Variants in RTTN observed in about 807,000 individuals in gnomAD.
RTTN encodes rotatin.
RTTN carries 182 observed loss-of-function variants against 269.2 expected under a neutral mutation model. That is an observed-to-expected ratio of 0.68 (90% CI 0.60 to 0.76). The LOEUF is 0.76. Among genes scored for constraint, RTTN ranks in the 30% least tolerant of loss-of-function variants. The pLI is 0.00. For synonymous variants in RTTN, 1,006 were observed against 963.5 expected (o/e 1.04, Z -0.82); for missense variants, 2,545 against 2,608.6 (o/e 0.98, Z 0.53).
At chr18:70,067,542 A>G (rs1486346468) in intron 34 of RTTN, among the ~76,000 whole-genome samples, 3 of 152,258 alleles carry the variant, frequency 2.0e-5, no homozygotes, top group African/African-American at 4.8e-5. Flanking sequence ...ACAGATATCA[A>G]GACAACATTT....
At chr18:70,179,787 C>T (rs1327741234) in intron 10 of RTTN, among the ~76,000 whole-genome samples, 1 of 152,218 alleles carries the variant, frequency 6.6e-6, no homozygotes, top group Non-Finnish European at 1.5e-5. Context: ...GAGTAAGAAA[C>T]TGCAGCAGGC....
intron 34 of RTTN, among the ~76,000 whole-genome samples, chr18:70,070,001 C>A (rs557612562): frequency 1.3e-5 from 2 of 152,114 alleles, no homozygotes; most frequent in African/African-American, 4.8e-5. Flanking sequence ...TAATTCTAAC[C>A]AAATTATAAC....
intron 40 of RTTN, 68 bp from the exon 41 acceptor site, chr18:70,031,049 A>T (rs2056998232): frequency 1.9e-6 from 2 of 1,068,772 alleles, no homozygotes; most frequent in African/African-American, 1.6e-5. Flanking sequence ...TTGTGAATAA[A>T]GAACATTTTC....
In RTTN at chr18:70,204,915, C is replaced by T. The variant is rs538640845; in HGVS notation, c.219+213G>A. ...AACATACCAAAACTCAAAAGAAGTT[C>T]TGTGTTACTTCTGAGCACAGCAGAG... On this transcript the variant is annotated intron_variant, in intron 2 of 48. Coordinates refer to ENST00000640769, the MANE Select transcript of RTTN (RefSeq NM_173630.4). 6.6e-5 allele frequency among the ~76,000 whole-genome samples: 10 copies of T among 152,298 alleles called. No homozygotes were observed. In the South Asian group the frequency reaches 1.2e-3, roughly 19 times the overall value.
chr18:70,106,960 G>T (rs1287637673), intron 28 of RTTN, among the ~76,000 whole-genome samples: 2 of 152,172 alleles, frequency 1.3e-5, no homozygotes, highest in African/African-American at 4.8e-5. Flanking sequence ...AAACAAGGCT[G>T]ACAGATTTGT....
chr18:70,046,057 A>ATT (rs149091719), intron 40 of RTTN, among the ~76,000 whole-genome samples: 23 of 150,902 alleles, frequency 1.5e-4, no homozygotes, highest in African/African-American at 5.1e-4. Flanking sequence ...TCTAGCACAG[A>ATT]TTTTTTTTTT....
rs772566625 is a variant in RTTN, at chr18:70,032,269, C to G, written c.5542-1288G>C. On this transcript the variant is annotated intron_variant, in intron 40 of 48. Coordinates refer to ENST00000640769, the MANE Select transcript of RTTN (RefSeq NM_173630.4). ...GGCTTCTCCCAGAGCCCGAGCCTAG[C>G]CACACCTGCTTGGAGTGAAGCTCCC... 2.2e-4 allele frequency among the ~76,000 whole-genome samples: 33 copies of G among 152,208 alleles called. 1 individual carries two copies. The highest frequency in any genetic ancestry group is 4.1e-4 in the Non-Finnish European group (28 of 68,032).
At chr18:70,076,598 C>T (rs1370178271) in intron 32 of RTTN, among the ~76,000 whole-genome samples, 1 of 152,014 alleles carries the variant, frequency 6.6e-6, no homozygotes, top group Non-Finnish European at 1.5e-5. Context: ...CTTCAATATT[C>T]AATGTCTTTT....
intron 19 of RTTN, 49 bp from the exon 20 acceptor site, chr18:70,140,237 T>A: frequency 9.6e-7 from 1 of 1,036,448 alleles, no homozygotes; most frequent in Non-Finnish European, 1.5e-6. Flanking sequence ...TTTTGTAGTT[T>A]AAAACACGTA....
chr18:70,092,299 T>C (rs1056139668), intron 29 of RTTN, 79 bp from the exon 30 acceptor site: 1 of 920,886 alleles, frequency 1.1e-6, no homozygotes, highest in Non-Finnish European at 1.7e-6. Flanking sequence ...AACAAGAATT[T>C]TTAATGAAAA....
At chr18:70,114,637 TG>T (rs749875671) in intron 26 of RTTN, 38 bp from the exon 27 acceptor site, 1 of 1,587,236 alleles carries the variant, frequency 6.3e-7, no homozygotes, top group Non-Finnish European at 8.6e-7. Context: ...ATTTACTAAT[TG>T]AACTATATAT....
At chr18:70,010,813 A>G (rs2056347314) in intron 46 of RTTN, among the ~76,000 whole-genome samples, 1 of 152,222 alleles carries the variant, frequency 6.6e-6, no homozygotes, top group Admixed American at 6.5e-5. Context: ...GTTTTTGGAA[A>G]AGATTAACAA....
intron 46 of RTTN, chr18:70,008,850 T>C (rs1472065863): frequency 6.6e-6 from 1 of 152,100 alleles, no homozygotes; most frequent in Admixed American, 6.5e-5. Flanking sequence ...GGATATTAAA[T>C]GCAAGAGAAC....
chr18:70,162,000 C>T (rs2060843741), intron 14 of RTTN, among the ~76,000 whole-genome samples: 1 of 152,066 alleles, frequency 6.6e-6, no homozygotes, highest in Admixed American at 6.5e-5. Context: ...CTAGCAATCC[C>T]TTACTGGGTA....
chr18:70,028,372 T>C (rs1215301786), intron 43 of RTTN, among the ~76,000 whole-genome samples: 4 of 152,190 alleles, frequency 2.6e-5, no homozygotes, highest in Admixed American at 1.3e-4. Context: ...TCTTTCCTTA[T>C]AGATACAGAT....
At chr18:70,177,767 T>A (rs571602067) in intron 10 of RTTN, among the ~76,000 whole-genome samples, 2 of 152,270 alleles carry the variant, frequency 1.3e-5, no homozygotes, top group Non-Finnish European at 2.9e-5. Context: ...CTAAAAGGTA[T>A]GAGGCCCAAA....
chr18:70,086,097 C>T (rs1291257526), intron 32 of RTTN, among the ~76,000 whole-genome samples: 2 of 152,004 alleles, frequency 1.3e-5, no homozygotes, highest in African/African-American at 4.8e-5. Flanking sequence ...CCGCACTGTG[C>T]ACTAACCTAG....
chr18:70,014,385 A>G (rs1433516644), intron 46 of RTTN, among the ~76,000 whole-genome samples: 1 of 152,176 alleles, frequency 6.6e-6, no homozygotes, highest in Non-Finnish European at 1.5e-5. Context: ...GTCTGGGCAG[A>G]TAAGCTGGTA....
At chr18:70,093,471 G>A (rs1025871104) in intron 28 of RTTN, among the ~76,000 whole-genome samples, 1 of 152,150 alleles carries the variant, frequency 6.6e-6, no homozygotes, top group African/African-American at 2.4e-5. Context: ...TTTGAGATAT[G>A]TCTCATCAAT....
Sources: allele counts gnomAD v4.1 joint callset (sites outside exome capture counted in the v4.1 genomes callset), GRCh38; gene constraint gnomAD v4.1.1; transcripts MANE v1.5; gene names NCBI Gene and HGNC (gene_info 2026-07-23, HGNC 2026-07-21).